The following PACRG variants were observed in gnomAD, a reference collection of about 807,000 sequenced individuals.
PACRG encodes parkin coregulated.
In PACRG, 29 loss-of-function variants were observed where a neutral mutation model predicts 29.7. The observed-to-expected ratio is 0.98, with a 90% CI of 0.73 to 1.33. The LOEUF is 1.33. PACRG is among the 40% of genes most tolerant of loss of function. The pLI is 0.00. For missense variants in PACRG, 279 were observed against 316.2 expected (o/e 0.88, Z 0.89); for synonymous variants, 116 against 118.7 (o/e 0.98, Z 0.15).
chr6:163,100,277 A>C (rs1814980405), intron 4 of PACRG, among the ~76,000 whole-genome samples: 1 of 151,874 alleles, frequency 6.6e-6, no homozygotes, highest in Non-Finnish European at 1.5e-5. Flanking sequence ...CAGGGTCAAA[A>C]ATGCCCCCAC....
intron 4 of PACRG, among the ~76,000 whole-genome samples, chr6:163,300,566 C>T (rs141892654): frequency 3.0e-4 from 45 of 152,314 alleles, no homozygotes; most frequent in African/African-American, 2.4e-4. Flanking sequence ...GCTGTCTCCT[C>T]GTGGCCAGCA....
rs574560111 is a variant in PACRG, at chr6:163,095,294, A to G, written c.613+5886A>G. 4 of 985,364 alleles carry G rather than the reference A, an allele frequency of 4.1e-6. No homozygotes were observed. The African/African-American group carries it at 5.2e-5, about 13-fold the overall frequency. 61.0% of individuals were successfully genotyped at this position (985,364 alleles called of 1,614,324 possible). ...AAGCATCAGGGGAGTGGGGTCAGTC[A>G]CAAACTGTAAATTACGTCTCTATGT... is the stretch of plus-strand genomic sequence containing the variant. On this transcript the variant is annotated intron_variant, in intron 4 of 4. Transcript: ENST00000366888.
chr6:163,298,986 G>A (rs570894671), intron 4 of PACRG, among the ~76,000 whole-genome samples: 8 of 152,076 alleles, frequency 5.3e-5, no homozygotes, highest in South Asian at 2.1e-4. Context: ...TCACCTTTCC[G>A]TTCCTTGCCA....
intron 2 of PACRG, among the ~76,000 whole-genome samples, chr6:162,897,931 C>T (rs907715772): frequency 2.0e-5 from 3 of 152,142 alleles, no homozygotes; most frequent in Admixed American, 6.5e-5. Flanking sequence ...CCATGGAAGC[C>T]AGAACGAGGT....
At chr6:162,734,584 A>C (rs868034678) in intron 1 of PACRG, among the ~76,000 whole-genome samples, 1 of 152,224 alleles carries the variant, frequency 6.6e-6, no homozygotes, top group Non-Finnish European at 1.5e-5. Flanking sequence ...TCTTTCATAT[A>C]TAATAGGGCT....
intron 2 of PACRG, among the ~76,000 whole-genome samples, chr6:163,013,322 C>T (rs1017806256): frequency 5.3e-5 from 8 of 151,082 alleles, no homozygotes; most frequent in African/African-American, 7.4e-5. Flanking sequence ...GTTAGCACTA[C>T]GCCAATGGAG....
At chr6:163,081,368 C>CT (rs1319202828) in intron 3 of PACRG, among the ~76,000 whole-genome samples, 4 of 152,118 alleles carry the variant, frequency 2.6e-5, no homozygotes, top group African/African-American at 9.7e-5. Context: ...TGCTTAATGG[C>CT]TACAGAGTTG....
intron 2 of PACRG, among the ~76,000 whole-genome samples, chr6:162,882,196 G>GA (rs1428997368): frequency 7.0e-6 from 1 of 142,842 alleles, no homozygotes; most frequent in Non-Finnish European, 1.5e-5. Flanking sequence ...GGGGTGGGGG[G>GA]GCGCACTCTC....
chr6:163,267,879 T>G (rs1783589011), intron 4 of PACRG, among the ~76,000 whole-genome samples: 1 of 152,230 alleles, frequency 6.6e-6, no homozygotes, highest in Non-Finnish European at 1.5e-5. Flanking sequence ...TTTTCAGCAC[T>G]GCCAGATCTG....
intron 4 of PACRG, among the ~76,000 whole-genome samples, chr6:163,215,294 A>T (rs1174295614): frequency 3.9e-5 from 6 of 152,266 alleles, no homozygotes; most frequent in African/African-American, 1.2e-4. Flanking sequence ...AAATAAGCTT[A>T]AATAGAGAAA....
At chr6:163,132,955 C>T (rs1816795398) in intron 4 of PACRG, among the ~76,000 whole-genome samples, 2 of 152,146 alleles carry the variant, frequency 1.3e-5, no homozygotes, top group African/African-American at 4.8e-5. Flanking sequence ...TTTTTATTGG[C>T]TGCTTTTGTC....
chr6:163,282,573 A>G (rs1784256938), intron 4 of PACRG, among the ~76,000 whole-genome samples: 1 of 152,136 alleles, frequency 6.6e-6, no homozygotes, highest in South Asian at 2.1e-4. Context: ...TTAGCTGGGC[A>G]TGGTGGTGTG....
intron 2 of PACRG, among the ~76,000 whole-genome samples, chr6:162,818,560 G>A (rs974964136): frequency 6.6e-6 from 1 of 152,104 alleles, no homozygotes; most frequent in Non-Finnish European, 1.5e-5. Flanking sequence ...TAGAGACCTC[G>A]AGAGAAAGAG....
intron 1 of PACRG, among the ~76,000 whole-genome samples, chr6:162,769,219 A>G (rs527342099): frequency 4.8e-4 from 73 of 152,182 alleles, no homozygotes; most frequent in African/African-American, 1.7e-3. Flanking sequence ...AAGTCCTCCA[A>G]GAAAGACAGT....
At chr6:162,753,229 G>C (rs1386220811) in intron 1 of PACRG, among the ~76,000 whole-genome samples, 1 of 151,798 alleles carries the variant, frequency 6.6e-6, no homozygotes, top group Non-Finnish European at 1.5e-5. Context: ...TGCACCCTTC[G>C]ATCAACAACT....
intron 4 of PACRG, among the ~76,000 whole-genome samples, chr6:163,100,193 T>C (rs1304092455): frequency 1.3e-5 from 2 of 151,958 alleles, no homozygotes; most frequent in African/African-American, 4.8e-5. Flanking sequence ...GTGTCCAGCC[T>C]CCACGGCCCT....
At chr6:163,166,241 T>A in intron 4 of PACRG, 1 of 454,828 alleles carries the variant, frequency 2.2e-6, no homozygotes, top group Non-Finnish European at 4.4e-6. Flanking sequence ...CCTCTTTGAC[T>A]GTTTTGTTTG....
chr6:163,129,308 T>A (rs1816638696), intron 4 of PACRG, among the ~76,000 whole-genome samples: 1 of 152,228 alleles, frequency 6.6e-6, no homozygotes, highest in Non-Finnish European at 1.5e-5. Flanking sequence ...TTTAGTCCCG[T>A]CACAGGACAT....
Position 162,956,140 on chromosome 6 carries a change from C to T in PACRG, c.292-106010C>T, listed in dbSNP as rs570794077. Among the ~76,000 whole-genome samples the T allele has an allele frequency of 6.6e-5, 10 of 152,254 alleles. No homozygotes were observed. The South Asian group carries it at 1.0e-3, about 16-fold the overall frequency. On this transcript the variant is annotated intron_variant, in intron 2 of 4. Coordinates refer to ENST00000366888, the MANE Select transcript of PACRG (RefSeq NM_001080379.2). The stretch of plus-strand genomic sequence containing the variant: ...TTAAGGTGGAAGATCAAGTGCAAGG[C>T]GGTGCCAGTTAAATAGTCGGGAATA...
Sources: gnomAD v4.1 joint callset for allele counts (sites outside exome capture counted in the v4.1 genomes callset) on GRCh38, gnomAD v4.1.1 for gene constraint, MANE v1.5 for transcripts, NCBI Gene and HGNC (gene_info 2026-07-23, HGNC 2026-07-21) for gene names.